WWOX: variants seen among roughly 807,000 people sequenced by gnomAD.
WWOX encodes the protein WW domain containing oxidoreductase.
Under a neutral mutation model 46.2 loss-of-function variants are expected in WWOX, and 69 were observed. That is an observed-to-expected ratio of 1.49 (90% CI 1.23 to 1.82). WWOX has a LOEUF of 1.82. Ranked by LOEUF, WWOX falls within the 40% of genes most tolerant of loss-of-function variation. The pLI, the probability that WWOX is intolerant of heterozygous loss-of-function variation, is 0.00. For missense variants in WWOX, 919 were observed against 542.6 expected (o/e 1.69, Z -6.89); for synonymous variants, 359 against 202.6 (o/e 1.77, Z -6.56).
In WWOX at chr16:79,088,754, G is replaced by A. The variant is rs60518241; in HGVS notation, c.1057-122854G>A. On this transcript the variant is annotated intron_variant, in intron 8 of 8. Coordinates refer to ENST00000566780, the MANE Select transcript of WWOX (RefSeq NM_016373.4). ...TTAATTACCACAGTTGCTACTTACC[G>A]TGGGCTGCTAAGACTGCTTTAGATA... is the stretch of plus-strand genomic sequence containing the variant. Among the ~76,000 whole-genome samples, 1,272 of 152,132 alleles carry A rather than the reference G, an allele frequency of 8.4e-3. 21 individuals carry two copies. Among genetic ancestry groups the A allele is most frequent in the African/African-American group, 0.028 (1,155 of 41,484 alleles).
At chr16:78,734,841 CTTTTTTTTTTTTTTTTTTTTTTTTTTTTT>C (rs60560119) in intron 8 of WWOX, among the ~76,000 whole-genome samples, 2 of 40,086 alleles carry the variant, frequency 5.0e-5, no homozygotes, top group South Asian at 1.1e-3. Context: ...GACTTCAGTC[CTTTTTTTTTTTTTTTTTTTTTTTTTTTTT>C]TTTTTTTTTT....
chr16:79,130,683 C>T (rs923471356), intron 8 of WWOX, among the ~76,000 whole-genome samples: 1 of 152,214 alleles, frequency 6.6e-6, no homozygotes, highest in Non-Finnish European at 1.5e-5. Context: ...GAAACAATGA[C>T]TAATTAGACC....
chr16:78,581,330 T>G lies in WWOX; in HGVS notation c.1056+148578T>G, dbSNP rs750773365. Among the ~76,000 whole-genome samples, 50 of 152,300 alleles carry G rather than the reference T, an allele frequency of 3.3e-4. 1 individual carries two copies. The highest frequency in any genetic ancestry group is 5.9e-4 in the Admixed American group (9 of 15,296). ...CCTTTTCTATAGCTGAGAAAATGGG[T>G]TAGCATAATTCAAAATTCAATTGCT... On this transcript the variant is annotated intron_variant, in intron 8 of 8. Transcript: ENST00000566780.
intron 8 of WWOX, among the ~76,000 whole-genome samples, chr16:78,884,875 AAAT>A (rs565408383): frequency 2.6e-5 from 4 of 152,222 alleles, no homozygotes; most frequent in Non-Finnish European, 2.9e-5. Flanking sequence ...GAATTAAAGG[AAAT>A]AATAATAATA....
chr16:78,302,597 C>T (rs1217769967), intron 5 of WWOX, among the ~76,000 whole-genome samples: 1 of 152,090 alleles, frequency 6.6e-6, no homozygotes, highest in Non-Finnish European at 1.5e-5. Context: ...TATAGCTTTC[C>T]CATTAGACTT....
chr16:78,920,499 A>G (rs776957452), intron 8 of WWOX, among the ~76,000 whole-genome samples: 1 of 152,152 alleles, frequency 6.6e-6, no homozygotes, highest in African/African-American at 2.4e-5. Flanking sequence ...TGCTGCCTGC[A>G]TCCCCAACCC....
intron 8 of WWOX, among the ~76,000 whole-genome samples, chr16:78,453,009 G>A (rs1717985941): frequency 6.6e-6 from 1 of 151,548 alleles, no homozygotes; most frequent in Admixed American, 6.6e-5. Flanking sequence ...AGCCTCCCGA[G>A]TAGCTGGGAT....
At chr16:78,424,123 T>TG (rs2083020317) in intron 6 of WWOX, among the ~76,000 whole-genome samples, 3 of 118,126 alleles carry the variant, frequency 2.5e-5, no homozygotes, top group Non-Finnish European at 5.3e-5. Context: ...TTTTTTTGTT[T>TG]TTTTTTTTTT....
At chr16:78,402,773 T>C (rs2082443334) in intron 6 of WWOX, among the ~76,000 whole-genome samples, 1 of 152,214 alleles carries the variant, frequency 6.6e-6, no homozygotes, top group Non-Finnish European at 1.5e-5. Flanking sequence ...AGCGTTTTGC[T>C]TATTTGACTT....
chr16:79,038,418 A>C (rs189987857), intron 8 of WWOX, among the ~76,000 whole-genome samples: 1 of 152,268 alleles, frequency 6.6e-6, no homozygotes, highest in South Asian at 2.1e-4. Context: ...AATTACTAAG[A>C]TATGTTTTAA....
chr16:79,134,348 A>G lies in WWOX; in HGVS notation c.1057-77260A>G, dbSNP rs190051717. ...AAGAAAGGTGGATTTATTGGAGAAG[A>G]TAAGAAAGTACACTGTAAGGTTGCA... On this transcript the variant is annotated intron_variant, in intron 8 of 8. Coordinates refer to ENST00000566780, the MANE Select transcript of WWOX (RefSeq NM_016373.4). 6.0e-4 allele frequency among the ~76,000 whole-genome samples: 92 copies of G among 152,272 alleles called. 1 individual carries two copies. Among genetic ancestry groups the G allele is most frequent in the African/African-American group, 2.2e-3 (91 of 41,564 alleles).
chr16:78,942,615 C>T (rs1270110148), intron 8 of WWOX, among the ~76,000 whole-genome samples: 1 of 152,128 alleles, frequency 6.6e-6, no homozygotes, highest in Non-Finnish European at 1.5e-5. Flanking sequence ...GGTACTTCAT[C>T]TCAGAAAGTT....
At chr16:78,323,726 C>A (rs576017327) in intron 5 of WWOX, among the ~76,000 whole-genome samples, 42 of 152,262 alleles carry the variant, frequency 2.8e-4, no homozygotes, top group African/African-American at 7.2e-4. Flanking sequence ...TGTTTCTATT[C>A]TAAATGTTCT....
chr16:78,757,203 G>C (rs1271786458), intron 8 of WWOX, among the ~76,000 whole-genome samples: 1 of 152,098 alleles, frequency 6.6e-6, no homozygotes, highest in Non-Finnish European at 1.5e-5. Flanking sequence ...TATTGTTTCA[G>C]CCCACTTAGT....
intron 8 of WWOX, chr16:79,204,858 G>T (rs181691631): frequency 6.6e-6 from 1 of 152,142 alleles, no homozygotes; most frequent in Non-Finnish European, 1.5e-5. Flanking sequence ...CTCCAGGCTC[G>T]TTCCTGCAAA....
At chr16:78,262,885 C>A (rs952430446) in intron 5 of WWOX, among the ~76,000 whole-genome samples, 1 of 152,142 alleles carries the variant, frequency 6.6e-6, no homozygotes. Context: ...ATTCTCATAG[C>A]CTGAGAAGCT....
intron 5 of WWOX, among the ~76,000 whole-genome samples, chr16:78,208,213 C>G (rs2036453955): frequency 6.6e-6 from 1 of 152,164 alleles, no homozygotes; most frequent in African/African-American, 2.4e-5. Flanking sequence ...TATAATAAAG[C>G]TAGGGGATGG....
At chr16:78,144,480 T>C (rs2034119748) in intron 4 of WWOX, among the ~76,000 whole-genome samples, 1 of 34,674 alleles carries the variant, frequency 2.9e-5, no homozygotes. Context: ...TATATATATA[T>C]ATATATACAC....
intron 5 of WWOX, among the ~76,000 whole-genome samples, chr16:78,255,813 C>T (rs2038113999): frequency 6.6e-6 from 1 of 152,092 alleles, no homozygotes; most frequent in Admixed American, 6.5e-5. Flanking sequence ...TCTTATTATT[C>T]TCATTTTATT....
Sources: gnomAD v4.1 joint callset for allele counts (sites outside exome capture counted in the v4.1 genomes callset) on GRCh38, gnomAD v4.1.1 for gene constraint, MANE v1.5 for transcripts, NCBI Gene and HGNC (gene_info 2026-07-23, HGNC 2026-07-21) for gene names.